SNX24: variants seen among roughly 807,000 people sequenced by gnomAD.
The protein encoded by SNX24 is sorting nexin 24.
SNX24 carries 22 observed loss-of-function variants against 28.7 expected under a neutral mutation model. The observed-to-expected ratio is 0.77, with a 90% confidence interval of 0.55 to 1.10. The LOEUF (loss-of-function observed/expected upper bound fraction) is 1.10. Ranked by LOEUF, SNX24 falls within the 50% of genes least tolerant of loss-of-function variation. The pLI is 0.00. For missense variants in SNX24, 221 were observed against 201.1 expected, an observed-to-expected ratio of 1.10 and a Z score of -0.60; for synonymous variants, 69 against 71.5, an observed-to-expected ratio of 0.96 and a Z score of 0.18.
At chr5:123,000,828 T>G (rs1762220755) in intron 4 of SNX24, among the ~76,000 whole-genome samples, 1 of 151,730 alleles carries the variant, frequency 6.6e-6, no homozygotes, top group African/African-American at 2.4e-5. Flanking sequence ...AGGAGAGAGG[T>G]TTACCCATTT....
chr5:122,981,216 G>T (rs1368001743), intron 3 of SNX24, among the ~76,000 whole-genome samples: 1 of 152,168 alleles, frequency 6.6e-6, no homozygotes. Flanking sequence ...TATATTTAAA[G>T]TGGTATGCTT....
chr5:123,006,060 AAG>A (rs772410783), intron 6 of SNX24, among the ~76,000 whole-genome samples: 4 of 152,224 alleles, frequency 2.6e-5, no homozygotes, highest in Non-Finnish European at 5.9e-5. Flanking sequence ...CAGTTGAGGA[AAG>A]AGAGAGACAG....
At position 122,936,719 on chromosome 5, in the gene SNX24, A is replaced by G; in HGVS notation, c.61-15A>G. Reference sequence around the variant, plus strand: ...TTTGAACTAATATAATTAATCTTTTAAATTTTTTCCTCAGGTGTTTAAGAT... The same window carrying G: ...TTTGAACTAATATAATTAATCTTTTGAATTTTTTCCTCAGGTGTTTAAGAT... On this transcript the variant is annotated splice_polypyrimidine_tract_variant and intron_variant, in intron 1 of 6. Transcript: ENST00000261369. The G allele has an allele frequency of 6.8e-7, 1 of 1,468,430 alleles. No homozygotes were observed. Among genetic ancestry groups the G allele is most frequent in the Non-Finnish European group, 9.5e-7 (1 of 1,053,992 alleles). The allele number at this position is 1,468,430 out of a possible 1,614,324, so 91.0% of individuals were successfully genotyped here.
intron 1 of SNX24, among the ~76,000 whole-genome samples, chr5:122,911,556 C>G (rs1389082157): frequency 7.3e-5 from 11 of 149,948 alleles, no homozygotes; most frequent in African/African-American, 2.5e-4. Context: ...TGCCTATGTC[C>G]TGAATGGTAA....
chr5:122,853,236 C>T (rs1264741228), intron 1 of SNX24, among the ~76,000 whole-genome samples: 2 of 148,096 alleles, frequency 1.4e-5, no homozygotes, highest in African/African-American at 5.0e-5. Flanking sequence ...ACGCCATTCT[C>T]CTGCCTCAGC....
intron 3 of SNX24, among the ~76,000 whole-genome samples, chr5:122,975,590 G>A (rs1053999671): frequency 9.9e-5 from 15 of 152,010 alleles, no homozygotes; most frequent in African/African-American, 1.4e-4. Flanking sequence ...AAGACAAAAA[G>A]ACTGAAAAAA....
intron 3 of SNX24, among the ~76,000 whole-genome samples, chr5:122,946,521 C>T (rs976285641): frequency 7.9e-5 from 12 of 151,716 alleles, no homozygotes; most frequent in East Asian, 5.8e-4. Flanking sequence ...TTGAGTTTTG[C>T]GGGGCTGGTT....
chr5:122,849,601 G>C (rs1176954040), intron 1 of SNX24, among the ~76,000 whole-genome samples: 2 of 152,250 alleles, frequency 1.3e-5, no homozygotes, highest in South Asian at 2.1e-4. Flanking sequence ...CCAAAAAAGG[G>C]GGGGGGAGGG....
In SNX24 at chr5:122,928,773, A is replaced by G. The variant is rs1445059548; in HGVS notation, c.61-7961A>G. Among the ~76,000 whole-genome samples the G allele has an allele frequency of 2.0e-5, 3 of 151,842 alleles. No individual in the cohort carries two copies. The East Asian group carries it at 6.0e-4, about 30-fold the overall frequency. On this transcript the variant is annotated intron_variant, in intron 1 of 6. Transcript: ENST00000261369. ...CAAGCCCATTGGACTTCTGATCTGT[A>G]GTACTGTGAGATAAGTGATGAGTAT...
At chr5:122,849,287 G>T (rs1754788488) in intron 1 of SNX24, among the ~76,000 whole-genome samples, 1 of 152,142 alleles carries the variant, frequency 6.6e-6, no homozygotes, top group Non-Finnish European at 1.5e-5. Context: ...CCTGTACTGT[G>T]TTGGTGGCGA....
At chr5:123,028,664 T>G (rs1191230822) in intron 5 of SNX24, 1 of 807,766 alleles carries the variant, frequency 1.2e-6, no homozygotes, top group Non-Finnish European at 1.9e-6. Flanking sequence ...GGTACAGTCG[T>G]CTTTACAACT....
chr5:122,851,789 C>G (rs1425762885), intron 1 of SNX24, among the ~76,000 whole-genome samples: 4 of 151,998 alleles, frequency 2.6e-5, no homozygotes, highest in African/African-American at 4.8e-5. Context: ...ATAATTCTTT[C>G]ATTCACTACA....
intron 1 of SNX24, among the ~76,000 whole-genome samples, chr5:122,916,849 G>A (rs1758193154): frequency 6.6e-6 from 1 of 152,250 alleles, no homozygotes; most frequent in East Asian, 1.9e-4. Flanking sequence ...TGCTTGCATG[G>A]CATACTCTGT....
At chr5:122,968,596 G>A (rs1581810925) in intron 3 of SNX24, among the ~76,000 whole-genome samples, 1 of 152,206 alleles carries the variant, frequency 6.6e-6, no homozygotes, top group East Asian at 1.9e-4. Flanking sequence ...CAGTTGTTGG[G>A]TCTACTTGTC....
At chr5:122,894,408 CT>C (rs1021604245) in intron 1 of SNX24, among the ~76,000 whole-genome samples, 39 of 151,886 alleles carry the variant, frequency 2.6e-4, no homozygotes, top group Non-Finnish European at 5.4e-4. Context: ...TATATATAAT[CT>C]TTTTTTCCCC....
At chr5:123,017,116 A>G (rs931459338) in intron 5 of SNX24, among the ~76,000 whole-genome samples, 5 of 152,056 alleles carry the variant, frequency 3.3e-5, no homozygotes, top group African/African-American at 7.2e-5. Context: ...TCAATACATC[A>G]TACTGCTACC....
intron 1 of SNX24, among the ~76,000 whole-genome samples, chr5:122,932,725 G>A (rs1033181522): frequency 1.3e-5 from 2 of 152,124 alleles, no homozygotes; most frequent in African/African-American, 4.8e-5. Context: ...TGGGCATGGT[G>A]GCGGGCGCCT....
At chr5:122,975,863 A>T (rs934681833) in intron 3 of SNX24, among the ~76,000 whole-genome samples, 2 of 152,230 alleles carry the variant, frequency 1.3e-5, no homozygotes, top group African/African-American at 2.4e-5. Context: ...AGGAATAATC[A>T]TTCCCATATA....
At chr5:122,995,712 T>C (rs1217363791) in intron 3 of SNX24, among the ~76,000 whole-genome samples, 8 of 152,202 alleles carry the variant, frequency 5.3e-5, no homozygotes, top group African/African-American at 1.9e-4. Context: ...TGTCCAAACT[T>C]GTCATATTAA....
Sources: gnomAD v4.1 joint callset for allele counts (sites outside exome capture counted in the v4.1 genomes callset) on GRCh38, gnomAD v4.1.1 for gene constraint, MANE v1.5 for transcripts, NCBI Gene and HGNC (gene_info 2026-07-23, HGNC 2026-07-21) for gene names.